Variants in KCNIP4 observed in about 807,000 individuals in gnomAD.
The protein encoded by KCNIP4 is Kv channel-interacting protein 4.
In KCNIP4, 12 loss-of-function variants were observed where a neutral mutation model predicts 34.0. That is an observed-to-expected ratio of 0.35 (90% CI 0.23 to 0.57). KCNIP4 has a LOEUF of 0.57. Ranked by LOEUF, KCNIP4 falls within the 20% of genes least tolerant of loss-of-function variation. The pLI is 0.83. For synonymous variants in KCNIP4, 124 were observed against 102.2 expected (o/e 1.21, Z -1.29); for missense variants, 238 against 311.7 (o/e 0.76, Z 1.78).
At position 21,900,515 on chromosome 4, in the gene KCNIP4, C is replaced by T. The variant is rs184422959; in HGVS notation, c.61+48056G>A. ...AAAGTAGTACCAATCCAGTAAGCTG[C>T]CATAGCTTTTGGGTGGTGTCCTATA... On this transcript the variant is annotated intron_variant, in intron 1 of 8. Coordinates refer to ENST00000382152, the MANE Select transcript of KCNIP4 (RefSeq NM_025221.6). 6.1e-3 allele frequency among the ~76,000 whole-genome samples: 930 copies of T among 152,300 alleles called. 5 individuals are homozygous for T. Among genetic ancestry groups the T allele is most frequent in the African/African-American group, 0.02 (825 of 41,572 alleles).
intron 1 of KCNIP4, among the ~76,000 whole-genome samples, chr4:21,619,791 A>C (rs2109172665): frequency 6.6e-6 from 1 of 152,370 alleles, no homozygotes; most frequent in South Asian, 2.1e-4. Flanking sequence ...ACTGTCTTCA[A>C]GTGTTTCATG....
chr4:20,848,999 T>C (rs1720707822), intron 3 of KCNIP4, among the ~76,000 whole-genome samples: 1 of 152,204 alleles, frequency 6.6e-6, no homozygotes, highest in Non-Finnish European at 1.5e-5. Context: ...CAGTGGTCAA[T>C]ACCACTGTTT....
intron 1 of KCNIP4, among the ~76,000 whole-genome samples, chr4:21,037,965 GT>G (rs5856596): frequency 1 from 151,488 of 152,048 alleles, 75,467 homozygotes; most frequent in East Asian, 1. Context: ...AATGCTGGGG[GT>G]TTTTTTTTGT....
intron 1 of KCNIP4, among the ~76,000 whole-genome samples, chr4:21,701,773 G>C (rs1712860633): frequency 6.6e-6 from 1 of 151,932 alleles, no homozygotes; most frequent in Non-Finnish European, 1.5e-5. Flanking sequence ...GCATGATCTT[G>C]GCTCACTGCA....
rs148292495 is a variant in KCNIP4 at position 20,928,324 on chromosome 4, C to G, written c.62-45615G>C. The stretch of plus-strand genomic sequence containing the variant: ...AACTACAAATCAATAACATGGGGAA[C>G]TTGGAAAATCCACAAATACATGAAA... On this transcript the variant is annotated intron_variant, in intron 1 of 8. Transcript: ENST00000382152. 9.4e-3 allele frequency among the ~76,000 whole-genome samples: 1,406 copies of G among 150,340 alleles called. 9 individuals are homozygous for G. The highest frequency in any genetic ancestry group is 0.028 in the Middle Eastern group (8 of 290).
At chr4:21,596,493 A>G (rs1247703730) in intron 1 of KCNIP4, among the ~76,000 whole-genome samples, 1 of 152,096 alleles carries the variant, frequency 6.6e-6, no homozygotes, top group Non-Finnish European at 1.5e-5. Context: ...TTAACTTGGC[A>G]TGTTGCTAAA....
chr4:20,974,963 T>A (rs1225268927), intron 1 of KCNIP4, among the ~76,000 whole-genome samples: 1 of 152,218 alleles, frequency 6.6e-6, no homozygotes, highest in Non-Finnish European at 1.5e-5. Context: ...GAGCTCTGTG[T>A]GATAGGCACT....
chr4:20,943,268 G>A (rs1389871367), intron 1 of KCNIP4, among the ~76,000 whole-genome samples: 4 of 152,284 alleles, frequency 2.6e-5, no homozygotes, highest in African/African-American at 9.6e-5. Context: ...CAGGATAGTG[G>A]TTTGTGGAGC....
At chr4:20,935,452 C>A (rs1730967592) in intron 1 of KCNIP4, among the ~76,000 whole-genome samples, 1 of 152,142 alleles carries the variant, frequency 6.6e-6, no homozygotes, top group Non-Finnish European at 1.5e-5. Context: ...TCCCAACAAA[C>A]TCGAAACCCT....
chr4:21,524,445 T>C (rs1735802268), intron 1 of KCNIP4, among the ~76,000 whole-genome samples: 1 of 152,214 alleles, frequency 6.6e-6, no homozygotes, highest in South Asian at 2.1e-4. Context: ...TGAAGTGTTG[T>C]CTCATTGAGC....
intron 1 of KCNIP4, among the ~76,000 whole-genome samples, chr4:21,647,863 C>CTTT (rs10539950): frequency 1.5e-4 from 9 of 60,198 alleles, no homozygotes; most frequent in African/African-American, 2.0e-4. Context: ...TACAATGATG[C>CTTT]TTTTTTTTTT....
intron 1 of KCNIP4, among the ~76,000 whole-genome samples, chr4:20,914,192 G>A (rs1389623919): frequency 6.6e-6 from 1 of 151,876 alleles, no homozygotes; most frequent in African/African-American, 2.4e-5. Flanking sequence ...ACAGTACCAG[G>A]CATTCAATAA....
At chr4:20,981,061 T>C (rs917537333) in intron 1 of KCNIP4, among the ~76,000 whole-genome samples, 22 of 152,200 alleles carry the variant, frequency 1.4e-4, no homozygotes, top group African/African-American at 5.3e-4. Flanking sequence ...TTAGACAATG[T>C]CATAGTCTAA....
At chr4:21,057,205 G>T (rs1469735) in intron 1 of KCNIP4, among the ~76,000 whole-genome samples, 6,660 of 152,026 alleles carry the variant, frequency 0.044, 220 homozygotes, top group East Asian at 0.14. Flanking sequence ...TTTACAATGC[G>T]TACAAATCAT....
intron 1 of KCNIP4, among the ~76,000 whole-genome samples, chr4:21,108,749 A>T (rs1748833114): frequency 2.6e-5 from 4 of 151,522 alleles, no homozygotes; most frequent in Non-Finnish European, 5.9e-5. Context: ...TTGGTCTTTG[A>T]TGATGGTGAT....
At chr4:21,035,138 G>A (rs1001950601) in intron 1 of KCNIP4, among the ~76,000 whole-genome samples, 2 of 152,162 alleles carry the variant, frequency 1.3e-5, no homozygotes, top group Admixed American at 6.5e-5. Context: ...ATGTTTTGGG[G>A]GAGAGCACCA....
intron 1 of KCNIP4, among the ~76,000 whole-genome samples, chr4:21,353,150 C>T (rs1029676862): frequency 1.3e-5 from 2 of 152,128 alleles, no homozygotes; most frequent in African/African-American, 4.8e-5. Context: ...AGGTCACCAA[C>T]ATCAAGACCA....
chr4:20,956,446 A>G (rs972894718), intron 1 of KCNIP4, among the ~76,000 whole-genome samples: 8 of 151,932 alleles, frequency 5.3e-5, no homozygotes, highest in African/African-American at 1.9e-4. Flanking sequence ...TGGAGCTTGC[A>G]GTGAGCCGAG....
intron 3 of KCNIP4, among the ~76,000 whole-genome samples, chr4:20,845,818 C>T (rs903150328): frequency 6.6e-6 from 1 of 152,134 alleles, no homozygotes; most frequent in Non-Finnish European, 1.5e-5. Flanking sequence ...TTCATATGTG[C>T]AACCACAAAG....
Sources: gnomAD v4.1 joint callset for allele counts (sites outside exome capture counted in the v4.1 genomes callset) on GRCh38, gnomAD v4.1.1 for gene constraint, MANE v1.5 for transcripts, NCBI Gene and HGNC (gene_info 2026-07-23, HGNC 2026-07-21) for gene names.